Variants in KIAA1671 observed in about 807,000 individuals in gnomAD.
KIAA1671 encodes KIAA1671, also known as uncharacterized protein KIAA1671.
A neutral mutation model predicts 131.2 loss-of-function variants in KIAA1671; 52 were observed. That is an observed-to-expected ratio of 0.40 (90% confidence interval 0.32 to 0.50). The LOEUF is 0.50. Ranked by LOEUF, KIAA1671 falls within the 20% of genes least tolerant of loss-of-function variation. The pLI, the probability that KIAA1671 is intolerant of heterozygous loss-of-function variation, is 0.73. For missense variants in KIAA1671, 2,360 were observed against 2,364.2 expected, an observed-to-expected ratio of 1.00 and a Z score of 0.04; for synonymous variants, 1,003 against 961.6, an observed-to-expected ratio of 1.04 and a Z score of -0.80.
chr22:25,108,599 CCCTGTGTATGTTT>C (rs542978234), intron 6 of KIAA1671, among the ~76,000 whole-genome samples: 41 of 152,246 alleles, frequency 2.7e-4, no homozygotes, highest in Non-Finnish European at 4.7e-4. Context: ...TGCGACCTAG[CCCTGTGTATGTTT>C]CCTGTGTATG....
chr22:25,030,302 C>T (rs1213279442), intron 3 of KIAA1671, among the ~76,000 whole-genome samples: 3 of 152,156 alleles, frequency 2.0e-5, no homozygotes, highest in East Asian at 1.9e-4. Flanking sequence ...TTCGGGAGGC[C>T]GAGGCGGGTG....
At chr22:24,955,413 G>A (rs185729966) in intron 1 of KIAA1671, among the ~76,000 whole-genome samples, 2 of 152,256 alleles carry the variant, frequency 1.3e-5, no homozygotes, top group East Asian at 3.9e-4. Context: ...GGAGGGATGC[G>A]GGTCAGAGAG....
intron 6 of KIAA1671, among the ~76,000 whole-genome samples, chr22:25,072,876 G>C (rs865948401): frequency 6.6e-6 from 1 of 152,152 alleles, no homozygotes; most frequent in African/African-American, 2.4e-5. Context: ...ATTGCAGAGA[G>C]CCAGGTGGAG....
Position 25,040,035 on chromosome 22 carries a change from T to C in KIAA1671, c.2905T>C (p.Ser969Pro). ...DTFSSLVPED[S>P]PHVGHRRTDY... Reference sequence around the variant, plus strand: ...ATTCAGTTCTCTTGTCCCAGAGGACTCTCCACATGTGGGGCACAGACGAAC... The same window carrying C: ...ATTCAGTTCTCTTGTCCCAGAGGACCCTCCACATGTGGGGCACAGACGAAC... The change falls in exon 5 of 13, where the codon TCT becomes CCT. Residue 969 changes from serine to proline, a missense_variant. Physicochemically the swap from Ser to Pro is moderately conservative, Grantham distance 74. Coordinates refer to ENST00000358431, the MANE Select transcript of KIAA1671 (RefSeq NM_001145206.2). 1 of 1,551,654 alleles carries C rather than the reference T, an allele frequency of 6.4e-7. No homozygotes were observed. The highest frequency in any genetic ancestry group is 1.2e-5 in the South Asian group (1 of 84,052).
chr22:25,019,445 CT>C (rs989945883), intron 1 of KIAA1671, among the ~76,000 whole-genome samples: 3 of 152,054 alleles, frequency 2.0e-5, no homozygotes, highest in Non-Finnish European at 2.9e-5. Context: ...AGGAGACAGT[CT>C]TAGCACCTCT....
chr22:25,108,829 A>C (rs1198263776), intron 6 of KIAA1671, among the ~76,000 whole-genome samples: 2 of 152,020 alleles, frequency 1.3e-5, no homozygotes, highest in Non-Finnish European at 2.9e-5. Context: ...TGTGACTTGG[A>C]ATTTCTTATG....
intron 1 of KIAA1671, chr22:25,013,656 A>G (rs1925159454): frequency 6.6e-6 from 1 of 152,194 alleles, no homozygotes; most frequent in Non-Finnish European, 1.5e-5. Flanking sequence ...TTTATGTTGA[A>G]TTGAGCTTTG....
chr22:25,001,500 C>G (rs1246057913), intron 1 of KIAA1671, among the ~76,000 whole-genome samples: 1 of 152,046 alleles, frequency 6.6e-6, no homozygotes, highest in Admixed American at 6.6e-5. Flanking sequence ...CCAATGTGGA[C>G]CAGGCCAAGG....
chr22:24,967,972 G>A (rs1489524224), intron 1 of KIAA1671, among the ~76,000 whole-genome samples: 3 of 152,030 alleles, frequency 2.0e-5, no homozygotes, highest in African/African-American at 4.8e-5. Flanking sequence ...CAGCCTGGGC[G>A]ACAGAGTGAG....
At chr22:25,138,935 G>C (rs1932763723) in intron 6 of KIAA1671, among the ~76,000 whole-genome samples, 1 of 152,086 alleles carries the variant, frequency 6.6e-6, no homozygotes, top group African/African-American at 2.4e-5. Flanking sequence ...TTTTGTCTTT[G>C]GGTGCTTGGG....
intron 6 of KIAA1671, among the ~76,000 whole-genome samples, chr22:25,076,892 T>C (rs1367131213): frequency 1.3e-5 from 2 of 152,222 alleles, no homozygotes; most frequent in Non-Finnish European, 2.9e-5. Flanking sequence ...AATGGGTTGA[T>C]CTCATTATTA....
intron 6 of KIAA1671, among the ~76,000 whole-genome samples, chr22:25,129,479 CCTGGG>C (rs1417829052): frequency 2.6e-5 from 4 of 151,264 alleles, no homozygotes; most frequent in Non-Finnish European, 5.9e-5. Flanking sequence ...TGCACACCAG[CCTGGG>C]CAACAAGAGC....
At chr22:25,002,931 C>G (rs1231192237) in intron 1 of KIAA1671, among the ~76,000 whole-genome samples, 1 of 152,080 alleles carries the variant, frequency 6.6e-6, no homozygotes, top group Non-Finnish European at 1.5e-5. Context: ...AGGCACAAGC[C>G]CCCAGTGCCC....
At chr22:25,021,849 C>T (rs1254111013) in intron 1 of KIAA1671, among the ~76,000 whole-genome samples, 5 of 151,674 alleles carry the variant, frequency 3.3e-5, no homozygotes, top group African/African-American at 4.8e-5. Context: ...TGCAGTGGTG[C>T]GATCTCAGCT....
chr22:25,042,635 T>G (rs901029916), intron 5 of KIAA1671, among the ~76,000 whole-genome samples: 1 of 134,608 alleles, frequency 7.4e-6, no homozygotes, highest in African/African-American at 2.7e-5. Flanking sequence ...CCCGGCTAAT[T>G]TTTTGTATTT....
intron 1 of KIAA1671, among the ~76,000 whole-genome samples, chr22:24,985,503 C>T (rs977790296): frequency 3.1e-4 from 47 of 152,170 alleles, no homozygotes; most frequent in Admixed American, 2.3e-3. Context: ...CCGCGCCCGG[C>T]TAATTTTTTG....
chr22:24,975,888 C>G (rs1453297260), intron 1 of KIAA1671, among the ~76,000 whole-genome samples: 1 of 152,192 alleles, frequency 6.6e-6, no homozygotes, highest in Admixed American at 6.5e-5. Context: ...TGCTGACTCA[C>G]CAGCAGGAGA....
At chr22:25,044,239 C>T (rs1927102865) in intron 5 of KIAA1671, among the ~76,000 whole-genome samples, 6 of 152,360 alleles carry the variant, frequency 3.9e-5, no homozygotes, top group Non-Finnish European at 7.3e-5. Context: ...ACAGGGATTC[C>T]TGCCCCAAAG....
At chr22:24,991,351 C>G (rs1422676160) in intron 1 of KIAA1671, among the ~76,000 whole-genome samples, 4 of 152,014 alleles carry the variant, frequency 2.6e-5, no homozygotes, top group Non-Finnish European at 5.9e-5. Flanking sequence ...AGGAATGTCC[C>G]CTCTTTTTCT....
Sources: gnomAD v4.1 joint callset for allele counts (sites outside exome capture counted in the v4.1 genomes callset) on GRCh38, gnomAD v4.1.1 for gene constraint, MANE v1.5 for transcripts, NCBI Gene and HGNC (gene_info 2026-07-23, HGNC 2026-07-21) for gene names.